The following GREB1 variants were observed in gnomAD, a reference collection of about 807,000 sequenced individuals.
The protein encoded by GREB1 is protein GREB1.
Under a neutral mutation model 200.7 loss-of-function variants are expected in GREB1, and 106 were observed. The ratio of observed to expected loss-of-function variants is 0.53; its 90% CI spans 0.45 to 0.62. The LOEUF is 0.62. Ranked by LOEUF, GREB1 falls within the 20% of genes least tolerant of loss-of-function variation. The probability of loss-of-function intolerance (pLI) is 0.00; values close to 1 mark genes in which losing one functional copy is unlikely to be tolerated. For missense variants in GREB1, 2,243 were observed against 2,556.8 expected, an observed-to-expected ratio of 0.88 and a Z score of 2.65; for synonymous variants, 1,132 against 1,092.4, an observed-to-expected ratio of 1.04 and a Z score of -0.72.
intron 1 of GREB1, among the ~76,000 whole-genome samples, chr2:11,491,915 G>A (rs947540234): frequency 6.6e-6 from 1 of 152,116 alleles, no homozygotes; most frequent in Non-Finnish European, 1.5e-5. Context: ...CCCTTCTACC[G>A]ATTAGTTTAG....
Position 11,641,234 on chromosome 2 carries a change from A to G in GREB1, c.*780A>G, listed in dbSNP as rs1454053733. 1.3e-5 allele frequency: 2 copies of G among 152,226 alleles called. No homozygotes were observed. Among genetic ancestry groups the G allele is most frequent in the African/African-American group, 2.4e-5 (1 of 41,456 alleles). 9.4% of individuals were successfully genotyped at this position (152,226 alleles called of 1,614,324 possible). A position where few individuals can be genotyped will look rare whatever the true frequency, so the allele number is the denominator to read the frequency against. ...GAAAGGACCACATTGCTTACTTGAA[A>G]CAGACAATGAAAACAACCAAAGTGA... On this transcript the variant is annotated 3_prime_UTR_variant, in exon 33 of 33. Transcript: ENST00000381486.
At chr2:11,514,413 C>T (rs1424200756) in intron 1 of GREB1, among the ~76,000 whole-genome samples, 1 of 152,232 alleles carries the variant, frequency 6.6e-6, no homozygotes, top group Non-Finnish European at 1.5e-5. Context: ...ACACCCTTTT[C>T]ACTACACCCC....
chr2:11,532,669 C>T (rs1284265999), upstream of GREB1, among the ~76,000 whole-genome samples: 1 of 152,134 alleles, frequency 6.6e-6, no homozygotes, highest in African/African-American at 2.4e-5. Flanking sequence ...GCCAGTGAGA[C>T]ATTTGCAGCA....
intron 1 of GREB1, among the ~76,000 whole-genome samples, chr2:11,483,002 G>T (rs1015226946): frequency 6.6e-6 from 1 of 151,448 alleles, no homozygotes; most frequent in African/African-American, 2.4e-5. Flanking sequence ...GGCGGAGCGG[G>T]GGCGCGGGGC....
At chr2:11,557,917 T>G (rs1056261965) in intron 2 of GREB1, among the ~76,000 whole-genome samples, 1 of 152,150 alleles carries the variant, frequency 6.6e-6, no homozygotes, top group African/African-American at 2.4e-5. Context: ...TGGAAAGTAT[T>G]TTATGGACTG....
rs566547046 is a variant in GREB1 at position 11,528,301 on chromosome 2, T to G, written c.-158-28156T>G. Among the ~76,000 whole-genome samples, 5 of 152,372 alleles carry G rather than the reference T, an allele frequency of 3.3e-5. No homozygotes were observed. The South Asian group carries it at 1.0e-3, about 32-fold the overall frequency. The stretch of plus-strand genomic sequence containing the variant: ...AGCTCATTTGTGGCAGAAAGATCTT[T>G]CAAATCTATCCATACAAGGCAAGAA... On this transcript the variant is annotated intron_variant, in intron 1 of 2. Transcript: ENST00000628795.
intron 1 of GREB1, among the ~76,000 whole-genome samples, chr2:11,553,576 T>G (rs1415410068): frequency 6.6e-6 from 1 of 152,148 alleles, no homozygotes; most frequent in Non-Finnish European, 1.5e-5. Flanking sequence ...ATTCTATTTT[T>G]TTTTTTTCAG....
At chr2:11,570,042 T>A (rs1002008402) in intron 4 of GREB1, among the ~76,000 whole-genome samples, 1 of 152,228 alleles carries the variant, frequency 6.6e-6, no homozygotes, top group African/African-American at 2.4e-5. Flanking sequence ...TCTCCCTTTC[T>A]GGGATTATTT....
At chr2:11,589,992 C>G (rs907138214) in intron 10 of GREB1, among the ~76,000 whole-genome samples, 9 of 152,240 alleles carry the variant, frequency 5.9e-5, no homozygotes, top group Middle Eastern at 6.8e-3. Context: ...ATTTAAGACA[C>G]ACTGGCTTAC....
intron 21 of GREB1, 151 bp downstream of exon 21, chr2:11,616,871 T>G (rs1480080123): frequency 3.2e-6 from 2 of 619,070 alleles, no homozygotes; most frequent in Non-Finnish European, 5.8e-6. Flanking sequence ...CTAGACTCTC[T>G]AGAGAGTAAA....
chr2:11,541,449 G>A (rs970401048), intron 1 of GREB1, among the ~76,000 whole-genome samples: 2 of 152,000 alleles, frequency 1.3e-5, no homozygotes, highest in Non-Finnish European at 2.9e-5. Flanking sequence ...AAGTGAGAGG[G>A]GGGCCATGGG....
In GREB1 at chr2:11,556,887, G is replaced by C. The variant is rs890553426; in HGVS notation, c.157+116G>C. On this transcript the variant is annotated intron_variant, in intron 2 of 32. Transcript: ENST00000381486. ...AGATAACGTTGAATCTAGCAGAAAA[G>C]AATTATTAGAAAAAGAAAACTGGGT... The C allele has an allele frequency of 2.4e-5, 18 of 747,392 alleles. No individual in the cohort carries two copies. The African/African-American group carries it at 2.9e-4, about 12-fold the overall frequency. 46.3% of individuals were successfully genotyped at this position (747,392 alleles called of 1,614,324 possible).
intron 17 of GREB1, among the ~76,000 whole-genome samples, chr2:11,605,185 G>C (rs1207559825): frequency 2.1e-5 from 2 of 94,202 alleles, no homozygotes; most frequent in Non-Finnish European, 4.4e-5. Context: ...TTACGCAGCA[G>C]CTTTAATGGG....
Position 11,585,165 on chromosome 2 carries a change from C to A in GREB1, c.906C>A (p.Ile302=). 1 of 1,555,346 alleles carries A rather than the reference C, an allele frequency of 6.4e-7. No individual in the cohort carries two copies. The highest frequency in any genetic ancestry group is 1.2e-5 in the South Asian group (1 of 82,158). ...LALPRPSALG[I]LSNSGPPKKR... ...CACACTCTGAATATTGTCTAGGTATCTTGTCAAACTCCGGGCCCCCCAAAA... is the reference window on the plus strand; with the variant it reads ...CACACTCTGAATATTGTCTAGGTATATTGTCAAACTCCGGGCCCCCCAAAA... The change falls in exon 8 of 33, where the codon ATC becomes ATA. Residue 302 remains isoleucine, a synonymous_variant. Coordinates refer to ENST00000381486, the MANE Select transcript of GREB1 (RefSeq NM_014668.4).
At chr2:11,631,835 C>A in intron 26 of GREB1, 74 bp from the exon 27 acceptor site, 1 of 1,137,740 alleles carries the variant, frequency 8.8e-7, no homozygotes, top group Non-Finnish European at 1.3e-6. Flanking sequence ...GAAAATACTG[C>A]AAAGTCACAT....
intron 2 of GREB1, among the ~76,000 whole-genome samples, chr2:11,558,172 G>A (rs1022283417): frequency 1.3e-5 from 2 of 152,230 alleles, no homozygotes; most frequent in African/African-American, 4.8e-5. Context: ...AGCAGCAGTT[G>A]CATACTCAGC....
Position 11,585,911 on chromosome 2 carries a change from T to C in GREB1, c.1159+6T>C, listed in dbSNP as rs1180898100. 6.2e-7 allele frequency: 1 copy of C among 1,612,526 alleles called. No individual in the cohort carries two copies. Among genetic ancestry groups the C allele is most frequent in the Non-Finnish European group, 8.5e-7 (1 of 1,179,874 alleles). On this transcript the variant is annotated splice_donor_region_variant and intron_variant, in intron 9 of 32. Transcript: ENST00000381486. Reference sequence around the variant, plus strand: ...CAAGCCAGTGATATTTAAAGGCAAGTACAGCAGTGCACCGAGTCGTGGGGA... The same window carrying C: ...CAAGCCAGTGATATTTAAAGGCAAGCACAGCAGTGCACCGAGTCGTGGGGA...
intron 31 of GREB1, 101 bp from the exon 32 acceptor site, chr2:11,638,570 T>A: frequency 1.0e-6 from 1 of 980,490 alleles, no homozygotes; most frequent in Admixed American, 2.4e-5. Flanking sequence ...AATCTTGAGC[T>A]GGACCAAGCA....
intron 2 of GREB1, among the ~76,000 whole-genome samples, chr2:11,558,781 C>A (rs1266569500): frequency 6.6e-6 from 1 of 152,122 alleles, no homozygotes; most frequent in Non-Finnish European, 1.5e-5. Flanking sequence ...CATTGCTGGC[C>A]TTCTTCAGAC....
Sources: allele counts gnomAD v4.1 joint callset (sites outside exome capture counted in the v4.1 genomes callset), GRCh38; gene constraint gnomAD v4.1.1; transcripts MANE v1.5; gene names NCBI Gene and HGNC (gene_info 2026-07-23, HGNC 2026-07-21).